Variants in UMAD1 observed in about 807,000 individuals in gnomAD.
UMAD1 encodes UBAP1-MVB12-associated (UMA) domain containing 1.
In UMAD1, 8 loss-of-function variants were observed where a neutral mutation model predicts 6.1. The observed-to-expected ratio is 1.30, with a 90% CI of 0.76 to 2.35. The LOEUF is 2.35. Ranked by LOEUF, UMAD1 falls within the 30% of genes most tolerant of loss-of-function variation. The pLI is 0.00. For synonymous variants in UMAD1, 56 were observed against 31.4 expected (o/e 1.78, Z -2.61); for missense variants, 130 against 78.4 (o/e 1.66, Z -2.49).
chr7:7,795,647 T>C (rs544363817), intron 2 of UMAD1, among the ~76,000 whole-genome samples: 90 of 152,188 alleles, frequency 5.9e-4, no homozygotes, highest in Middle Eastern at 3.4e-3. Context: ...TATTCATGAG[T>C]TTTTAAGGAA....
intron 2 of UMAD1, among the ~76,000 whole-genome samples, chr7:7,710,130 T>A (rs1257695423): frequency 6.6e-6 from 1 of 152,210 alleles, no homozygotes; most frequent in African/African-American, 2.4e-5. Flanking sequence ...TCTTTAGTTC[T>A]TTCATTTTTA....
At chr7:7,761,072 A>G (rs1165472295) in intron 2 of UMAD1, among the ~76,000 whole-genome samples, 3 of 152,206 alleles carry the variant, frequency 2.0e-5, no homozygotes, top group African/African-American at 4.8e-5. Flanking sequence ...GAATTATGAA[A>G]AGGTCACCCC....
intron 2 of UMAD1, among the ~76,000 whole-genome samples, chr7:7,775,915 TG>T (rs1399474764): frequency 6.6e-6 from 1 of 152,146 alleles, no homozygotes; most frequent in Non-Finnish European, 1.5e-5. Context: ...GAGTGTATAA[TG>T]TTGGAAAAAT....
intron 2 of UMAD1, chr7:7,736,510 CTTTA>C (rs1042973647): frequency 6.6e-6 from 1 of 152,234 alleles, no homozygotes; most frequent in African/African-American, 2.4e-5. Flanking sequence ...ATTCAGTCGT[CTTTA>C]TTTATTTGAT....
chr7:7,686,714 C>T (rs1313873059), intron 2 of UMAD1, among the ~76,000 whole-genome samples: 2 of 152,192 alleles, frequency 1.3e-5, no homozygotes, highest in Non-Finnish European at 1.5e-5. Flanking sequence ...ATGGGGCAGA[C>T]ACTACTAGTC....
At chr7:7,807,691 G>T (rs1043907477) in intron 3 of UMAD1, among the ~76,000 whole-genome samples, 1 of 152,014 alleles carries the variant, frequency 6.6e-6, no homozygotes, top group South Asian at 2.1e-4. Context: ...GCATTTACAC[G>T]AATGATTGTC....
At position 7,822,716 on chromosome 7, in the gene UMAD1, T is replaced by C. The variant is rs543722758; in HGVS notation, c.156+20973T>C. Among the ~76,000 whole-genome samples the C allele has an allele frequency of 1.1e-4, 16 of 152,254 alleles. No individual in the cohort carries two copies. In the South Asian group the frequency reaches 2.9e-3, roughly 28 times the overall value. On this transcript the variant is annotated intron_variant, in intron 3 of 3. Coordinates refer to ENST00000682710, the MANE Select transcript of UMAD1 (RefSeq NM_001302348.2). ...TGTAAATACAGAAAAATTCCTAGAT[T>C]TGAACAGTTCGGCTTCCTACCTTGC...
At chr7:7,842,513 T>C (rs1373430251) in intron 3 of UMAD1, among the ~76,000 whole-genome samples, 2 of 152,196 alleles carry the variant, frequency 1.3e-5, no homozygotes, top group Non-Finnish European at 2.9e-5. Context: ...GAATGACTTA[T>C]TAAGGTCTAA....
At chr7:7,650,205 C>T (rs1000091289) in intron 1 of UMAD1, among the ~76,000 whole-genome samples, 4 of 152,156 alleles carry the variant, frequency 2.6e-5, no homozygotes, top group African/African-American at 9.7e-5. Context: ...CCACAATTTA[C>T]GTTCTTGTAA....
chr7:7,855,495 C>A (rs181120552), intron 3 of UMAD1, among the ~76,000 whole-genome samples: 1 of 152,224 alleles, frequency 6.6e-6, no homozygotes, highest in African/African-American at 2.4e-5. Context: ...TCTGAAGGAA[C>A]GGCCTGAGTT....
intron 3 of UMAD1, among the ~76,000 whole-genome samples, chr7:7,836,110 G>T (rs919455168): frequency 6.6e-6 from 1 of 151,852 alleles, no homozygotes; most frequent in African/African-American, 2.4e-5. Context: ...TACTTAATAG[G>T]TTTTCTTAGC....
chr7:7,728,842 T>TAA, intron 2 of UMAD1, among the ~76,000 whole-genome samples: 1 of 152,154 alleles, frequency 6.6e-6, no homozygotes, highest in Non-Finnish European at 1.5e-5. Context: ...CAACAATATT[T>TAA]ATAGTGGGCC....
chr7:7,698,053 G>C (rs1038325346), intron 2 of UMAD1, among the ~76,000 whole-genome samples: 6 of 152,140 alleles, frequency 3.9e-5, no homozygotes, highest in African/African-American at 1.4e-4. Flanking sequence ...GAGAATTTCT[G>C]CACTTCACGT....
intron 3 of UMAD1, among the ~76,000 whole-genome samples, chr7:7,824,856 C>G (rs1195350901): frequency 1.3e-5 from 2 of 152,190 alleles, no homozygotes; most frequent in African/African-American, 4.8e-5. Flanking sequence ...ATTTGTCTCT[C>G]TTTCACATCA....
intron 3 of UMAD1, among the ~76,000 whole-genome samples, chr7:7,825,560 A>T (rs183410357): frequency 6.6e-6 from 1 of 152,142 alleles, no homozygotes; most frequent in Non-Finnish European, 1.5e-5. Flanking sequence ...ATCAGATCTC[A>T]TGAGACTTAT....
intron 1 of UMAD1, among the ~76,000 whole-genome samples, chr7:7,666,463 C>T (rs780650124): frequency 6.6e-6 from 1 of 152,066 alleles, no homozygotes; most frequent in African/African-American, 2.4e-5. Flanking sequence ...CTACCTCAGC[C>T]TCCCAAAGTA....
intron 2 of UMAD1, among the ~76,000 whole-genome samples, chr7:7,731,053 A>G (rs1405537393): frequency 6.6e-6 from 1 of 152,196 alleles, no homozygotes; most frequent in Admixed American, 6.5e-5. Flanking sequence ...GCTGGAGTGC[A>G]GTGGCACCAA....
rs556563860 is a variant in UMAD1 at position 7,774,853 on chromosome 7, G to T, written c.83-26817G>T. Among the ~76,000 whole-genome samples, 6 of 152,138 alleles carry T rather than the reference G, an allele frequency of 3.9e-5. No homozygotes were observed. The South Asian group carries it at 1.2e-3, about 32-fold the overall frequency. The stretch of plus-strand genomic sequence containing the variant: ...TTGAGCAAAGCCCTTGAGTTTCCCT[G>T]GCCACCATCTCAAAATGTATTTCTT... On this transcript the variant is annotated intron_variant, in intron 2 of 3. Transcript: ENST00000682710.
intron 2 of UMAD1, among the ~76,000 whole-genome samples, chr7:7,678,132 T>G (rs2115116170): frequency 2.6e-5 from 1 of 37,840 alleles, no homozygotes; most frequent in African/African-American, 1.8e-4. Context: ...CATATAGTAG[T>G]TCTGTTTTTA....
Sources: gnomAD v4.1 joint callset for allele counts (sites outside exome capture counted in the v4.1 genomes callset) on GRCh38, gnomAD v4.1.1 for gene constraint, MANE v1.5 for transcripts, NCBI Gene and HGNC (gene_info 2026-07-23, HGNC 2026-07-21) for gene names.